SUPT20H: variants seen among roughly 807,000 people sequenced by gnomAD.
The protein encoded by SUPT20H is SPT20 homolog, SAGA complex component.
Under a neutral mutation model 122.8 loss-of-function variants are expected in SUPT20H, and 82 were observed. That is an observed-to-expected ratio of 0.67 (90% CI 0.56 to 0.80). The LOEUF (loss-of-function observed/expected upper bound fraction) is 0.80. Among genes scored for constraint, SUPT20H ranks in the 30% least tolerant of loss-of-function variants. The pLI is 0.00. For missense variants in SUPT20H, 831 were observed against 921.6 expected, an observed-to-expected ratio of 0.90 and a Z score of 1.27; for synonymous variants, 291 against 313.0, an observed-to-expected ratio of 0.93 and a Z score of 0.74.
intron 9 of SUPT20H, chr13:37,039,688 G>A (rs2065123951): frequency 6.6e-6 from 1 of 151,644 alleles, no homozygotes; most frequent in African/African-American, 2.4e-5. Context: ...GGCTCCTTCT[G>A]ACTTCTTTTT....
rs190528489 is a variant in SUPT20H, at chr13:37,036,993, G to A, written c.568-3405C>T. ...GCAGAACGCTTGAGCTCAGGAGTTC[G>A]AGATCAGCCTGGGCAACACAGTGAA... On this transcript the variant is annotated intron_variant, in intron 9 of 25. Coordinates refer to ENST00000350612, the MANE Select transcript of SUPT20H (RefSeq NM_001014286.3). 5.9e-5 allele frequency among the ~76,000 whole-genome samples: 9 copies of A among 151,992 alleles called. No homozygotes were observed. The East Asian group carries it at 1.6e-3, about 26-fold the overall frequency.
Position 37,025,440 on chromosome 13 carries a change from A to G in SUPT20H, c.1212-3T>C. On this transcript the variant is annotated splice_region_variant and splice_polypyrimidine_tract_variant and intron_variant, in intron 16 of 25. Transcript: ENST00000350612. ...ATTCTTGGTACTGATTGACTACCCT[A>G]AAATATCAGGAGAAAACAGGTAAAG... is the stretch of plus-strand genomic sequence containing the variant. The G allele has an allele frequency of 5.6e-6, 9 of 1,602,716 alleles. No individual in the cohort carries two copies. In the Middle Eastern group the frequency reaches 5.0e-4, roughly 89 times the overall value.
At chr13:37,010,988 T>G (rs768279281) in intron 24 of SUPT20H, 5 of 175,374 alleles carry the variant, frequency 2.9e-5, no homozygotes, top group Non-Finnish European at 6.1e-5. Flanking sequence ...ACCAACAAAG[T>G]AGGAGAAGGG....
chr13:37,033,796 T>C (rs1308727233), intron 9 of SUPT20H, among the ~76,000 whole-genome samples: 1 of 152,232 alleles, frequency 6.6e-6, no homozygotes, highest in Non-Finnish European at 1.5e-5. Context: ...AATGCAGGTA[T>C]ACCTCATTTT....
intron 12 of SUPT20H, among the ~76,000 whole-genome samples, chr13:37,030,197 T>A (rs1397979498): frequency 1.3e-5 from 2 of 152,206 alleles, no homozygotes; most frequent in African/African-American, 4.8e-5. Context: ...CTTTTCCTTT[T>A]GGCAGGCTTT....
chr13:37,020,609 A>G (rs2061337859), intron 21 of SUPT20H, among the ~76,000 whole-genome samples: 1 of 152,186 alleles, frequency 6.6e-6, no homozygotes, highest in African/African-American at 2.4e-5. Context: ...ACTAAGGCAC[A>G]CTTATGCTTA....
At chr13:37,046,127 T>C (rs1004551285) in intron 5 of SUPT20H, among the ~76,000 whole-genome samples, 1 of 152,088 alleles carries the variant, frequency 6.6e-6, no homozygotes, top group Non-Finnish European at 1.5e-5. Flanking sequence ...TAAATATATA[T>C]TAAACATATA....
chr13:37,033,632 T>C (rs780402241), intron 9 of SUPT20H, 44 bp from the exon 10 acceptor site: 1 of 1,592,418 alleles, frequency 6.3e-7, no homozygotes, highest in Admixed American at 1.7e-5. Flanking sequence ...TTTAAGATTT[T>C]CAAATATGTA....
At chr13:37,037,964 A>G (rs191302435) in intron 9 of SUPT20H, 2 of 152,050 alleles carry the variant, frequency 1.3e-5, no homozygotes, top group African/African-American at 4.8e-5. Context: ...GTGTCACTTA[A>G]GAGTTTATTT....
intron 10 of SUPT20H, among the ~76,000 whole-genome samples, chr13:37,032,197 G>C (rs954168997): frequency 1.1e-4 from 16 of 152,072 alleles, no homozygotes; most frequent in African/African-American, 4.8e-5. Context: ...ACTGTGGAGA[G>C]TATGGGATAA....
chr13:37,050,347 CAA>C (rs61668901), intron 2 of SUPT20H, among the ~76,000 whole-genome samples: 1 of 76,998 alleles, frequency 1.3e-5, no homozygotes, highest in African/African-American at 5.1e-5. Flanking sequence ...CTGTCACTAC[CAA>C]AAAAAAAAAA....
At chr13:37,029,739 A>G in intron 13 of SUPT20H, 26 bp downstream of exon 13, 1 of 1,586,812 alleles carries the variant, frequency 6.3e-7, no homozygotes, top group Non-Finnish European at 8.6e-7. Flanking sequence ...CATAATTAGA[A>G]ACAGAGACAG....
chr13:37,039,164 C>T (rs2065028957), intron 9 of SUPT20H: 1 of 152,158 alleles, frequency 6.6e-6, no homozygotes, highest in Non-Finnish European at 1.5e-5. Flanking sequence ...CACTATAGGC[C>T]TCTCAACTGG....
Position 37,022,931 on chromosome 13 carries a change from T to C in SUPT20H, c.1592-851A>G. 8.5e-7 allele frequency: 1 copy of C among 1,171,652 alleles called. No individual in the cohort carries two copies. Among genetic ancestry groups the C allele is most frequent in the Non-Finnish European group, 1.1e-6 (1 of 925,352 alleles). 72.6% of individuals were successfully genotyped at this position (1,171,652 alleles called of 1,614,324 possible). On this transcript the variant is annotated intron_variant, in intron 19 of 25. Transcript: ENST00000350612. This position sits in a 1 kb window ranked among gnomAD's most constrained non-coding sequence, Gnocchi z 4.5. ...AATGTAGAATGTATAGAAAATCTGT[T>C]GTGAATGAAGTATGCACAGTTTATC...
Position 37,021,476 on chromosome 13 carries a change from G to T in SUPT20H, c.1788C>A (p.Pro596=). Reference sequence around the variant, plus strand: ...CTTGAGAAGCTGCCTGCATTGCACTGGGCAGTGCATTTGGTAGCAGACCTC... The same window carrying T: ...CTTGAGAAGCTGCCTGCATTGCACTTGGCAGTGCATTTGGTAGCAGACCTC... The part of the protein sequence containing the change: ...PSGGLLPNAL[P]SAMQAASQAG... Residue 596 remains proline (P), a synonymous_variant, in exon 21 of 26, where the codon CCC becomes CCA. Transcript: ENST00000350612. The T allele has an allele frequency of 6.2e-7, 1 of 1,613,802 alleles. No homozygotes were observed. The highest frequency in any genetic ancestry group is 8.5e-7 in the Non-Finnish European group (1 of 1,179,882).
chr13:37,054,560 TCAA>T (rs2068513224), intron 1 of SUPT20H, among the ~76,000 whole-genome samples: 1 of 152,176 alleles, frequency 6.6e-6, no homozygotes, highest in Non-Finnish European at 1.5e-5. Context: ...TTGACGAAAT[TCAA>T]CAACGCTTCA....
chr13:37,009,914 A>G, intron 25 of SUPT20H, 105 bp from the exon 26 acceptor site: 1 of 1,468,120 alleles, frequency 6.8e-7, no homozygotes, highest in Non-Finnish European at 9.1e-7. Context: ...GGGAGAAAGC[A>G]CCAAGATAAC....
At chr13:37,046,485 C>T (rs2066457553) in intron 5 of SUPT20H, among the ~76,000 whole-genome samples, 1 of 152,126 alleles carries the variant, frequency 6.6e-6, no homozygotes, top group African/African-American at 2.4e-5. Context: ...TGCTGCAATA[C>T]TCAATGTGTC....
chr13:37,027,308 G>A (rs2062468278), intron 14 of SUPT20H, among the ~76,000 whole-genome samples: 1 of 151,592 alleles, frequency 6.6e-6, no homozygotes, highest in African/African-American at 2.4e-5. Flanking sequence ...CTGTTGTGAT[G>A]TCTATAACTT....
Sources: allele counts gnomAD v4.1 joint callset (sites outside exome capture counted in the v4.1 genomes callset), GRCh38; gene constraint gnomAD v4.1.1; non-coding constraint Gnocchi (gnomAD v3.1); transcripts MANE v1.5; gene names NCBI Gene and HGNC (gene_info 2026-07-23, HGNC 2026-07-21).